HSPA12A: variants seen among roughly 807,000 people sequenced by gnomAD.
The protein encoded by HSPA12A is heat shock 70 kDa protein 12A.
HSPA12A carries 28 observed loss-of-function variants against 69.2 expected under a neutral mutation model. The ratio of observed to expected loss-of-function variants is 0.40; its 90% CI spans 0.30 to 0.55. The LOEUF is 0.55. Ranked by LOEUF, HSPA12A falls within the 20% of genes least tolerant of loss-of-function variation. The probability of loss-of-function intolerance (pLI) is 0.38; values close to 1 mark genes in which losing one functional copy is unlikely to be tolerated. For missense variants in HSPA12A, 686 were observed against 900.7 expected (o/e 0.76, Z 3.05); for synonymous variants, 345 against 370.5 (o/e 0.93, Z 0.79).
intron 2 of HSPA12A, among the ~76,000 whole-genome samples, chr10:116,772,985 G>A (rs1343597308): frequency 1.3e-5 from 2 of 152,162 alleles, no homozygotes; most frequent in African/African-American, 4.8e-5. Context: ...TAACAGGCAT[G>A]AGCCACTGCA....
chr10:116,783,035 C>T (rs1844497857), intron 2 of HSPA12A, among the ~76,000 whole-genome samples: 1 of 152,202 alleles, frequency 6.6e-6, no homozygotes, highest in Non-Finnish European at 1.5e-5. Context: ...CACTCAGATG[C>T]CAGGTCTCTC....
At chr10:116,835,102 G>T in intron 1 of HSPA12A, 1 of 910,000 alleles carries the variant, frequency 1.1e-6, no homozygotes, top group Non-Finnish European at 1.4e-6. Context: ...TACTCGTGCT[G>T]GTTGACGGTT....
rs782020017 is a variant in HSPA12A, at chr10:116,701,040, C to G, written c.344G>C (p.Gly115Ala). Residue 115 changes from glycine (G) to alanine (A), a missense_variant, in exon 4 of 12, where the codon GGG becomes GCG. Transcript: ENST00000369209. Reference sequence around the variant, plus strand: ...ATGGTAAAAGTCCCTGGCGGCATACCCGAAGCTGTGGAACTTCCTCTCGGG... The same window carrying G: ...ATGGTAAAAGTCCCTGGCGGCATACGCGAAGCTGTGGAACTTCCTCTCGGG... ...LTPERKFHSF[G>A]YAARDFYHDL... The G allele has an allele frequency of 1.2e-5, 19 of 1,613,922 alleles. No individual in the cohort carries two copies. Among genetic ancestry groups the G allele is most frequent in the Admixed American group, 1.7e-5 (1 of 59,996 alleles).
chr10:116,814,658 C>G (rs1187973882), intron 2 of HSPA12A, among the ~76,000 whole-genome samples: 1 of 152,200 alleles, frequency 6.6e-6, no homozygotes, highest in African/African-American at 2.4e-5. Flanking sequence ...CAGACCAGGA[C>G]TTGGGCCAGA....
At chr10:116,772,669 C>G (rs1373129979) in intron 2 of HSPA12A, among the ~76,000 whole-genome samples, 2 of 151,834 alleles carry the variant, frequency 1.3e-5, no homozygotes, top group African/African-American at 4.8e-5. Flanking sequence ...TCCTTTCTAT[C>G]TTTATTTTAT....
intron 5 of HSPA12A, 40 bp from the exon 6 acceptor site, chr10:116,692,507 G>A: frequency 1.3e-6 from 2 of 1,512,504 alleles, no homozygotes; most frequent in Non-Finnish European, 9.2e-7. Context: ...TCAAGTGGCA[G>A]CTGGTTCCTG....
Position 116,707,233 on chromosome 10 carries a change from T to A in HSPA12A, c.93A>T (p.Thr31=). 5.6e-6 allele frequency: 9 copies of A among 1,612,306 alleles called. No homozygotes were observed. The highest frequency in any genetic ancestry group is 7.6e-6 in the Non-Finnish European group (9 of 1,179,458). The change falls in exon 2 of 12, where the codon ACA becomes ACT. Residue 31 remains threonine (T), a synonymous_variant. Transcript: ENST00000369209. The part of the protein sequence containing the change: ...YSSPARSLGD[T]GITPLSPSHI... The stretch of plus-strand genomic sequence containing the variant: ...GGGAGGGGGACAGAGGCGTTATTCC[T>A]GTGTCCCCAAGACTCCGGGCTGGAG...
intron 1 of HSPA12A, among the ~76,000 whole-genome samples, chr10:116,712,166 C>T (rs1850455001): frequency 6.6e-6 from 1 of 152,170 alleles, no homozygotes; most frequent in Admixed American, 6.5e-5. Context: ...GATAATTTAA[C>T]ATCACTTCAG....
intron 1 of HSPA12A, among the ~76,000 whole-genome samples, chr10:116,740,594 C>G (rs1234101042): frequency 6.6e-6 from 1 of 151,024 alleles, no homozygotes; most frequent in African/African-American, 2.4e-5. Context: ...CTCGGCACAC[C>G]AGGTATGGGT....
intron 1 of HSPA12A, among the ~76,000 whole-genome samples, chr10:116,836,786 C>CAT (rs1441299389): frequency 6.6e-6 from 1 of 152,038 alleles, no homozygotes; most frequent in Non-Finnish European, 1.5e-5. Flanking sequence ...CACACACACA[C>CAT]ACACACACAC....
At chr10:116,830,248 A>G (rs1175414125) in intron 2 of HSPA12A, 1 of 152,212 alleles carries the variant, frequency 6.6e-6, no homozygotes, top group African/African-American at 2.4e-5. Context: ...GTAGGCCAAG[A>G]TACATGCTGT....
At chr10:116,728,839 C>A (rs1324814442) in intron 1 of HSPA12A, among the ~76,000 whole-genome samples, 1 of 152,206 alleles carries the variant, frequency 6.6e-6, no homozygotes, top group African/African-American at 2.4e-5. Context: ...GTAAGACTCC[C>A]TGATGGTGGA....
intron 1 of HSPA12A, among the ~76,000 whole-genome samples, chr10:116,727,918 C>T (rs1444391752): frequency 1.6e-4 from 15 of 92,338 alleles, no homozygotes; most frequent in Non-Finnish European, 3.4e-4. Context: ...CCACCATGCC[C>T]GACTAATTTT....
At chr10:116,726,027 G>GCACACACACACACACACACACACACA (rs71013613) in intron 1 of HSPA12A, among the ~76,000 whole-genome samples, 1 of 146,114 alleles carries the variant, frequency 6.8e-6, no homozygotes, top group Admixed American at 6.8e-5. Flanking sequence ...ACACACACAC[G>GCACACACACACACACACACACACACA]CACACACACA....
intron 2 of HSPA12A, among the ~76,000 whole-genome samples, chr10:116,767,446 C>T (rs1844104647): frequency 6.6e-6 from 1 of 152,196 alleles, no homozygotes. Flanking sequence ...ACCCCAGCTG[C>T]TGGGTGGAGG....
intron 1 of HSPA12A, among the ~76,000 whole-genome samples, chr10:116,733,865 G>A (rs1222773283): frequency 6.6e-6 from 1 of 152,164 alleles, no homozygotes; most frequent in Non-Finnish European, 1.5e-5. Context: ...TATTTTCAAC[G>A]TTTTTATGGG....
At chr10:116,800,257 T>C (rs2133166531) in intron 2 of HSPA12A, among the ~76,000 whole-genome samples, 1 of 152,276 alleles carries the variant, frequency 6.6e-6, no homozygotes, top group Admixed American at 6.5e-5. Context: ...CCTTCTGTGG[T>C]GGCCCCAGCC....
chr10:116,786,982 G>A (rs972723842), intron 2 of HSPA12A, among the ~76,000 whole-genome samples: 11 of 83,458 alleles, frequency 1.3e-4, no homozygotes, highest in South Asian at 4.9e-4. Context: ...ATCACCTCCC[G>A]GACACACACA....
At chr10:116,769,264 G>C (rs1844145675) in intron 2 of HSPA12A, among the ~76,000 whole-genome samples, 1 of 152,170 alleles carries the variant, frequency 6.6e-6, no homozygotes, top group Non-Finnish European at 1.5e-5. Flanking sequence ...CAAGACTAAG[G>C]TGTGGGCTTG....
Sources: gnomAD v4.1 joint callset for allele counts (sites outside exome capture counted in the v4.1 genomes callset) on GRCh38, gnomAD v4.1.1 for gene constraint, MANE v1.5 for transcripts, NCBI Gene and HGNC (gene_info 2026-07-23, HGNC 2026-07-21) for gene names.